The following PDS5B variants were observed in gnomAD, a reference collection of about 807,000 sequenced individuals.
PDS5B encodes the protein PDS5 cohesin associated factor B.
Under a neutral mutation model 184.1 loss-of-function variants are expected in PDS5B, and 51 were observed. That is an observed-to-expected ratio of 0.28 (90% CI 0.22 to 0.35). PDS5B has a LOEUF of 0.35. Among genes scored for constraint, PDS5B ranks in the 10% least tolerant of loss-of-function variants. The pLI, the probability that PDS5B is intolerant of heterozygous loss-of-function variation, is 1.00. For missense variants in PDS5B, 1,180 were observed against 1,723.3 expected (o/e 0.68, Z 5.58); for synonymous variants, 566 against 569.2 (o/e 0.99, Z 0.08).
chr13:32,698,979 T>C (rs998623723), intron 15 of PDS5B, among the ~76,000 whole-genome samples: 2 of 152,150 alleles, frequency 1.3e-5, no homozygotes, highest in Admixed American at 6.6e-5. Flanking sequence ...GGTCTTGAAC[T>C]CCTGACCTCG....
At chr13:32,642,672 C>T (rs909893566) in intron 1 of PDS5B, among the ~76,000 whole-genome samples, 2 of 152,060 alleles carry the variant, frequency 1.3e-5, no homozygotes, top group East Asian at 1.9e-4. Flanking sequence ...TTATTTTTTC[C>T]GTCTTAGCTC....
chr13:32,756,464 G>T (rs1954184023), intron 26 of PDS5B, among the ~76,000 whole-genome samples: 1 of 152,144 alleles, frequency 6.6e-6, no homozygotes, highest in African/African-American at 2.4e-5. Context: ...TAAAATATTT[G>T]TAATTCTTTC....
At chr13:32,646,888 A>G (rs1163406359) in intron 1 of PDS5B, among the ~76,000 whole-genome samples, 1 of 152,126 alleles carries the variant, frequency 6.6e-6, no homozygotes, top group Non-Finnish European at 1.5e-5. Flanking sequence ...CTAGATTTGC[A>G]GTTATATTCT....
chr13:32,611,183 C>T (rs1484059569), intron 1 of PDS5B, among the ~76,000 whole-genome samples: 1 of 152,106 alleles, frequency 6.6e-6, no homozygotes, highest in African/African-American at 2.4e-5. Flanking sequence ...TCATTCATTT[C>T]CATGGCTTCC....
At chr13:32,646,356 C>A (rs1024487481) in intron 1 of PDS5B, among the ~76,000 whole-genome samples, 7 of 126,448 alleles carry the variant, frequency 5.5e-5, no homozygotes, top group Non-Finnish European at 9.8e-5. Flanking sequence ...ATGATTTATT[C>A]TCTCATGGCT....
At position 32,742,845 on chromosome 13, in the gene PDS5B, G is replaced by A. The variant is rs1953608130; in HGVS notation, c.2612+118G>A. 5.6e-5 allele frequency: 50 copies of A among 899,828 alleles called. No homozygotes were observed. The East Asian group carries it at 1.3e-3, about 23-fold the overall frequency. 55.7% of individuals were successfully genotyped at this position (899,828 alleles called of 1,614,324 possible). ...TTTAAATTAGAATTGCTTTGTACAT[G>A]TGCATATATTTTTACTGGAATATGC... On this transcript the variant is annotated intron_variant, in intron 23 of 34. Transcript: ENST00000315596.
intron 1 of PDS5B, among the ~76,000 whole-genome samples, chr13:32,612,189 G>T (rs1029731586): frequency 7.9e-5 from 12 of 151,672 alleles, no homozygotes; most frequent in Non-Finnish European, 1.6e-4. Flanking sequence ...TACCTGTATT[G>T]GTATATGCCT....
Position 32,776,268 on chromosome 13 carries a change from CA to C in PDS5B, c.*1222del. 6.6e-6 allele frequency: 1 copy of C among 151,438 alleles called. No homozygotes were observed. Among genetic ancestry groups the C allele is most frequent in the Non-Finnish European group, 1.5e-5 (1 of 67,772 alleles). The allele number at this position is 151,438 out of a possible 1,614,324, so 9.4% of individuals were successfully genotyped here. ...TTATTATTGTACTTTATTTTGGAGCCAAAAAATTGATTCTGGGGGGTGGGGG... is the reference window on the plus strand; with the variant it reads ...TTATTATTGTACTTTATTTTGGAGCCAAAAATTGATTCTGGGGGGTGGGGG... On this transcript the variant is annotated 3_prime_UTR_variant, in exon 35 of 35. Transcript: ENST00000315596.
At chr13:32,738,974 T>C (rs1342508391) in intron 21 of PDS5B, among the ~76,000 whole-genome samples, 1 of 152,166 alleles carries the variant, frequency 6.6e-6, no homozygotes, top group African/African-American at 2.4e-5. Flanking sequence ...GCGCCTGGCC[T>C]GAACAAAAGT....
chr13:32,712,027 C>T (rs1181209912), intron 19 of PDS5B, among the ~76,000 whole-genome samples: 1 of 152,196 alleles, frequency 6.6e-6, no homozygotes. Context: ...TGTTTGGCTC[C>T]AGTGCCTATG....
chr13:32,714,632 T>A (rs1566361574), intron 19 of PDS5B, among the ~76,000 whole-genome samples: 1 of 152,182 alleles, frequency 6.6e-6, no homozygotes, highest in Non-Finnish European at 1.5e-5. Context: ...AGAAAAAGAA[T>A]TCAGCGATAT....
chr13:32,750,893 A>C (rs1953959409), intron 24 of PDS5B, among the ~76,000 whole-genome samples: 1 of 94,198 alleles, frequency 1.1e-5, no homozygotes, highest in Non-Finnish European at 2.4e-5. Flanking sequence ...GTGTGTTTTA[A>C]ACTTTAGGTT....
chr13:32,716,027 C>T (rs1164948404), intron 19 of PDS5B, among the ~76,000 whole-genome samples: 25 of 143,182 alleles, frequency 1.7e-4, no homozygotes, highest in African/African-American at 6.1e-4. Context: ...ACCTCCCAGC[C>T]GCCTGCCTTG....
At chr13:32,724,279 T>G (rs1036525700) in intron 19 of PDS5B, among the ~76,000 whole-genome samples, 3 of 152,000 alleles carry the variant, frequency 2.0e-5, no homozygotes, top group Non-Finnish European at 4.4e-5. Flanking sequence ...CAGCTAATTT[T>G]TTTTTTTTAA....
intron 26 of PDS5B, among the ~76,000 whole-genome samples, chr13:32,756,527 G>C (rs1264263724): frequency 6.6e-6 from 1 of 152,152 alleles, no homozygotes; most frequent in Non-Finnish European, 1.5e-5. Flanking sequence ...GTGGGGAATA[G>C]GAATATAGTG....
intron 2 of PDS5B, chr13:32,649,090 A>T: frequency 2.2e-6 from 1 of 456,942 alleles, no homozygotes; most frequent in East Asian, 4.1e-5. Flanking sequence ...GGTGAAGCTT[A>T]GATTTTCTAG....
At chr13:32,760,929 C>T (rs1028597519) in intron 30 of PDS5B, among the ~76,000 whole-genome samples, 1 of 152,162 alleles carries the variant, frequency 6.6e-6, no homozygotes, top group African/African-American at 2.4e-5. Flanking sequence ...CATTCTTTAG[C>T]TTGTTGGGGG....
Position 32,753,210 on chromosome 13 carries a change from A to C in PDS5B, c.2737-122A>C. The C allele has an allele frequency of 4.3e-6, 3 of 692,004 alleles. No individual in the cohort carries two copies. The South Asian group carries it at 5.6e-5, about 13-fold the overall frequency. 42.9% of individuals were successfully genotyped at this position (692,004 alleles called of 1,614,324 possible). ...AACATCTCACTCTTGTGAGCAGTGA[A>C]GCAATTATTGTAGATAAACTTGCTA... On this transcript the variant is annotated intron_variant, in intron 24 of 34. Transcript: ENST00000315596.
chr13:32,768,803 AAAAG>A, intron 31 of PDS5B, among the ~76,000 whole-genome samples: 1 of 56,120 alleles, frequency 1.8e-5, no homozygotes. Flanking sequence ...AAAAAAAAAA[AAAAG>A]AAAAAAAAAA....
Sources: gnomAD v4.1 joint callset for allele counts (sites outside exome capture counted in the v4.1 genomes callset) on GRCh38, gnomAD v4.1.1 for gene constraint, MANE v1.5 for transcripts, NCBI Gene and HGNC (gene_info 2026-07-23, HGNC 2026-07-21) for gene names.